DDAH1: variants seen among roughly 807,000 people sequenced by gnomAD.
DDAH1 encodes the protein N(G),N(G)-dimethylarginine dimethylaminohydrolase 1.
Under a neutral mutation model 28.8 loss-of-function variants are expected in DDAH1, and 19 were observed. The observed-to-expected ratio is 0.66, with a 90% CI of 0.46 to 0.97. The LOEUF is 0.97. DDAH1 is among the 50% of genes least tolerant of loss of function. DDAH1 has a pLI of 0.00. For missense variants in DDAH1, 326 were observed against 375.9 expected (o/e 0.87, Z 1.10); for synonymous variants, 153 against 154.4 (o/e 0.99, Z 0.07).
chr1:85,465,040 G>A lies in DDAH1; in HGVS notation c.6C>T (p.Ala2=). 2.3e-6 allele frequency: 3 copies of A among 1,310,674 alleles called. No homozygotes were observed. Among genetic ancestry groups the A allele is most frequent in the Non-Finnish European group, 2.9e-6 (3 of 1,033,042 alleles). 81.2% of individuals were successfully genotyped at this position (1,310,674 alleles called of 1,614,324 possible). A position where few individuals can be genotyped will look rare whatever the true frequency, so the allele number is the denominator to read the frequency against. M[A]GLGHPAAFGR... ...CGAAGGCGGCGGGGTGGCCGAGCCC[G>A]GCCATGGCTTCGGGAGGCTTAGGGG... The change falls in exon 1 of 6, where the codon GCC becomes GCT. Residue 2 remains alanine, a synonymous_variant. Coordinates refer to ENST00000284031, the MANE Select transcript of DDAH1 (RefSeq NM_012137.4).
At chr1:85,373,240 A>G (rs60202981) in intron 1 of DDAH1, among the ~76,000 whole-genome samples, 6,506 of 152,192 alleles carry the variant, frequency 0.043, 488 homozygotes, top group African/African-American at 0.15. Context: ...TTGAAAAGTA[A>G]ATTAACTCTT....
At chr1:85,358,704 G>A (rs146143220) in intron 2 of DDAH1, 44 bp downstream of exon 2, 17,852 of 1,318,060 alleles carry the variant, frequency 0.014, 164 homozygotes, top group South Asian at 0.021. Context: ...TACAAGCCAA[G>A]TATTAAAAAT....
At chr1:85,479,192 A>C (rs1570592443) in intron 2 of DDAH1, among the ~76,000 whole-genome samples, 1 of 97,914 alleles carries the variant, frequency 1.0e-5, no homozygotes, top group Non-Finnish European at 1.8e-5. Context: ...TTTGAGACGG[A>C]GTCTTGCTCT....
chr1:85,331,423 G>GTATGTATATGTATATATATATATATA (rs111876317), intron 4 of DDAH1, among the ~76,000 whole-genome samples: 71 of 148,554 alleles, frequency 4.8e-4, no homozygotes, highest in East Asian at 2.6e-3. Context: ...ATTCATATAT[G>GTATGTATATGTATATATATATATATA]TATATATATA....
At chr1:85,547,787 C>A (rs1220919749) in intron 1 of DDAH1, among the ~76,000 whole-genome samples, 5 of 152,162 alleles carry the variant, frequency 3.3e-5, no homozygotes, top group Admixed American at 3.3e-4. Context: ...ACTGGCCATC[C>A]AGGTCTGCAG....
At chr1:85,366,501 G>C (rs1027699306) in intron 1 of DDAH1, among the ~76,000 whole-genome samples, 10 of 152,088 alleles carry the variant, frequency 6.6e-5, no homozygotes, top group Non-Finnish European at 1.3e-4. Flanking sequence ...AGTAAACGGA[G>C]GGCACAAAGC....
At chr1:85,465,228 C>G (rs372712915), upstream of DDAH1, 1 of 1,107,260 alleles carries the variant, frequency 9.0e-7, no homozygotes, top group Non-Finnish European at 1.1e-6. Context: ...GAGCTCCGGG[C>G]GCCGGCCCGC....
intron 1 of DDAH1, among the ~76,000 whole-genome samples, chr1:85,507,328 C>A (rs985585340): frequency 6.6e-6 from 1 of 152,036 alleles, no homozygotes; most frequent in South Asian, 2.1e-4. Flanking sequence ...CATGGTGAAA[C>A]CCTGTCTCTA....
At chr1:85,381,628 C>T (rs1195209923) in intron 1 of DDAH1, among the ~76,000 whole-genome samples, 2 of 152,072 alleles carry the variant, frequency 1.3e-5, no homozygotes, top group East Asian at 3.9e-4. Flanking sequence ...TTTCCTCTGA[C>T]TGCTTTTCAG....
chr1:85,340,561 G>T (rs1648410661), intron 4 of DDAH1, among the ~76,000 whole-genome samples: 1 of 152,004 alleles, frequency 6.6e-6, no homozygotes, highest in Non-Finnish European at 1.5e-5. Flanking sequence ...CTCTAAGTGG[G>T]CCTCACTTTC....
At chr1:85,401,407 T>C (rs992475223) in intron 1 of DDAH1, among the ~76,000 whole-genome samples, 7 of 152,140 alleles carry the variant, frequency 4.6e-5, no homozygotes, top group Admixed American at 4.6e-4. Context: ...GCATGGTTTA[T>C]ATTTACTTTT....
upstream of DDAH1, among the ~76,000 whole-genome samples, chr1:85,468,242 T>G (rs1158669080): frequency 4.6e-5 from 7 of 152,206 alleles, no homozygotes; most frequent in Non-Finnish European, 1.0e-4. Context: ...TCTCAACTCT[T>G]TTTTCCAAGC....
intron 1 of DDAH1, among the ~76,000 whole-genome samples, chr1:85,536,492 G>A (rs1390914480): frequency 6.6e-6 from 1 of 152,158 alleles, no homozygotes; most frequent in Admixed American, 6.6e-5. Flanking sequence ...GGCGAAGGTT[G>A]CAGTGAGCCG....
intron 1 of DDAH1, among the ~76,000 whole-genome samples, chr1:85,522,436 T>C (rs1455738989): frequency 7.6e-6 from 1 of 130,848 alleles, no homozygotes; most frequent in African/African-American, 2.9e-5. Flanking sequence ...AAATAAGAAA[T>C]TCCAAATGCT....
chr1:85,428,057 A>C (rs1653494413), intron 1 of DDAH1, among the ~76,000 whole-genome samples: 1 of 152,222 alleles, frequency 6.6e-6, no homozygotes, highest in Non-Finnish European at 1.5e-5. Context: ...GCTGAGTCAC[A>C]GCTAACTGCC....
chr1:85,540,045 A>T (rs1249353570), intron 1 of DDAH1, among the ~76,000 whole-genome samples: 1 of 152,160 alleles, frequency 6.6e-6, no homozygotes, highest in Non-Finnish European at 1.5e-5. Context: ...TGAATATTCC[A>T]TTGATTCAAT....
At chr1:85,331,143 C>G (rs755847356) in intron 4 of DDAH1, among the ~76,000 whole-genome samples, 2 of 152,192 alleles carry the variant, frequency 1.3e-5, no homozygotes, top group Non-Finnish European at 2.9e-5. Context: ...TGGCAAGTTG[C>G]ATTAACAACC....
chr1:85,558,471 C>T (rs1273050308), intron 1 of DDAH1, among the ~76,000 whole-genome samples: 1 of 152,146 alleles, frequency 6.6e-6, no homozygotes, highest in Non-Finnish European at 1.5e-5. Context: ...AGGTGGGATG[C>T]CTATCAGGAC....
In DDAH1 at chr1:85,415,005, C is replaced by CTTTTTTTTTTTTTT. The variant is rs71727580; in HGVS notation, c.303+49724_303+49737dup. On this transcript the variant is annotated intron_variant, in intron 1 of 5. Transcript: ENST00000284031. ...CGAAAATCAAATATTTCAAGTGTTGCTTTTTTTTTTTTTTTTTTTTTTTTT... is the reference window on the plus strand; with the variant it reads ...CGAAAATCAAATATTTCAAGTGTTGCTTTTTTTTTTTTTTTTTTTTTTTTTTTTTTTTTTTTTTT... Among the ~76,000 whole-genome samples, 3 of 57,606 alleles carry CTTTTTTTTTTTTTT rather than the reference C, an allele frequency of 5.2e-5. 1 individual carries two copies. Among genetic ancestry groups the CTTTTTTTTTTTTTT allele is most frequent in the African/African-American group, 1.9e-4 (3 of 15,680 alleles). 37.8% of individuals were successfully genotyped at this position (57,606 alleles called of 152,430 possible).
Sources: gnomAD v4.1 joint callset for allele counts (sites outside exome capture counted in the v4.1 genomes callset) on GRCh38, gnomAD v4.1.1 for gene constraint, MANE v1.5 for transcripts, NCBI Gene and HGNC (gene_info 2026-07-23, HGNC 2026-07-21) for gene names.